RARB: variants seen among roughly 807,000 people sequenced by gnomAD.
The protein encoded by RARB is retinoic acid receptor beta, also known as HBV-activated protein.
RARB carries 17 observed loss-of-function variants against 51.9 expected under a neutral mutation model. The ratio of observed to expected loss-of-function variants is 0.33; its 90% CI spans 0.22 to 0.49. The LOEUF (loss-of-function observed/expected upper bound fraction) is 0.49, where lower values mean the gene tolerates loss of function less well. RARB is among the 20% of genes least tolerant of loss of function. The pLI, the probability that RARB is intolerant of heterozygous loss-of-function variation, is 0.99. For synonymous variants in RARB, 215 were observed against 195.4 expected (o/e 1.10, Z -0.84); for missense variants, 369 against 550.8 (o/e 0.67, Z 3.30).
intron 2 of RARB, among the ~76,000 whole-genome samples, chr3:24,866,387 CTA>C (rs1318647128): frequency 6.6e-6 from 1 of 152,152 alleles, no homozygotes; most frequent in Non-Finnish European, 1.5e-5. Context: ...GCCTCATAAA[CTA>C]TTTAAACTGA....
chr3:24,945,145 T>C (rs149147654), intron 2 of RARB, among the ~76,000 whole-genome samples: 10 of 152,238 alleles, frequency 6.6e-5, no homozygotes, highest in African/African-American at 1.7e-4. Context: ...TATAGTCTTA[T>C]GGGTTTGCTT....
In RARB at chr3:25,329,627, T is replaced by C. The variant is rs545222283; in HGVS notation, c.179-131566T>C. On this transcript the variant is annotated intron_variant, in intron 5 of 11. Transcript: ENST00000383772. ...TACTCCTCCAAAGGAATGCAGCTGC[T>C]CGACAGCAATGGAACAAAGCTGGAT... Among the ~76,000 whole-genome samples, 15 of 152,274 alleles carry C rather than the reference T, an allele frequency of 9.9e-5. No homozygotes were observed. In the South Asian group the frequency reaches 2.9e-3, roughly 29 times the overall value.
At chr3:25,027,420 C>T (rs957302279) in intron 2 of RARB, among the ~76,000 whole-genome samples, 8 of 152,040 alleles carry the variant, frequency 5.3e-5, no homozygotes, top group Admixed American at 1.3e-4. Flanking sequence ...AATACATCTT[C>T]CCCCCCATAT....
At chr3:25,073,621 A>G (rs1295843373) in intron 3 of RARB, among the ~76,000 whole-genome samples, 1 of 152,216 alleles carries the variant, frequency 6.6e-6, no homozygotes, top group African/African-American at 2.4e-5. Flanking sequence ...TTCTGTGGAT[A>G]CTTCATCAAA....
intron 5 of RARB, among the ~76,000 whole-genome samples, chr3:25,185,263 GAGTTCAC>G (rs1486296281): frequency 1.3e-5 from 2 of 152,038 alleles, no homozygotes; most frequent in Admixed American, 6.6e-5. Flanking sequence ...TTATCATGAA[GAGTTCAC>G]ATCCAAGAAA....
chr3:25,259,557 A>G (rs539780086), intron 5 of RARB, among the ~76,000 whole-genome samples: 1 of 152,262 alleles, frequency 6.6e-6, no homozygotes, highest in East Asian at 1.9e-4. Context: ...ACAGCAGAGC[A>G]TTGCAGTTCT....
At chr3:25,538,212 A>G (rs982811564) in intron 3 of RARB, among the ~76,000 whole-genome samples, 7 of 152,216 alleles carry the variant, frequency 4.6e-5, no homozygotes, top group African/African-American at 1.7e-4. Context: ...AGTGTCCAGA[A>G]AGATTGGAAT....
chr3:25,596,686 A>G lies in RARB; in HGVS notation c.*70A>G. 7.5e-7 allele frequency: 1 copy of G among 1,339,842 alleles called. No individual in the cohort carries two copies. Among genetic ancestry groups the G allele is most frequent in the Non-Finnish European group, 1.0e-6 (1 of 976,780 alleles). 83.0% of individuals were successfully genotyped at this position (1,339,842 alleles called of 1,614,324 possible). A position where few individuals can be genotyped will look rare whatever the true frequency, so the allele number is the denominator to read the frequency against. ...CAGGATTTAAAATGCAAGAAAAAAC[A>G]TTTTTACTGCTGCTTAGTTTTTGGA... On this transcript the variant is annotated 3_prime_UTR_variant, in exon 8 of 8. Transcript: ENST00000330688.
intron 5 of RARB, among the ~76,000 whole-genome samples, chr3:25,410,916 G>T (rs544981182): frequency 6.6e-6 from 1 of 152,222 alleles, no homozygotes; most frequent in South Asian, 2.1e-4. Context: ...CTGGGCAAAG[G>T]TCAGCCTGTA....
intron 4 of RARB, among the ~76,000 whole-genome samples, chr3:25,573,799 A>G (rs938734315): frequency 1.3e-5 from 2 of 152,208 alleles, no homozygotes; most frequent in African/African-American, 4.8e-5. Flanking sequence ...GCAGAGAGGA[A>G]TAAGAAAGGC....
chr3:25,438,192 C>CGA (rs770109962), intron 1 of RARB, among the ~76,000 whole-genome samples: 1 of 152,094 alleles, frequency 6.6e-6, no homozygotes, highest in African/African-American at 2.4e-5. Context: ...AGCAGTATTC[C>CGA]GAGAGAGAGT....
intron 5 of RARB, among the ~76,000 whole-genome samples, chr3:25,332,849 T>G (rs1254211350): frequency 1.3e-5 from 2 of 152,092 alleles, no homozygotes; most frequent in African/African-American, 4.8e-5. Flanking sequence ...AAAATCAACG[T>G]GCAAAAATCA....
intron 2 of RARB, among the ~76,000 whole-genome samples, chr3:25,482,446 C>G (rs1245961796): frequency 6.6e-6 from 1 of 150,982 alleles, no homozygotes; most frequent in African/African-American, 2.5e-5. Flanking sequence ...ACCCAGTAGA[C>G]CAGCACTGTT....
intron 3 of RARB, among the ~76,000 whole-genome samples, chr3:25,093,349 CAGTG>C (rs1210208448): frequency 6.6e-6 from 1 of 152,130 alleles, no homozygotes; most frequent in Non-Finnish European, 1.5e-5. Context: ...AAAACTATAA[CAGTG>C]AGAAAATTAT....
chr3:25,252,011 T>C (rs925201971), intron 5 of RARB, among the ~76,000 whole-genome samples: 1 of 152,172 alleles, frequency 6.6e-6, no homozygotes, highest in African/African-American at 2.4e-5. Flanking sequence ...TAAGTCTGAA[T>C]AGGTTTTGAG....
chr3:24,867,606 G>C (rs1178460697), intron 2 of RARB, among the ~76,000 whole-genome samples: 5 of 152,096 alleles, frequency 3.3e-5, no homozygotes, highest in African/African-American at 4.8e-5. Flanking sequence ...GTAGGGGAGG[G>C]AGCCTTTGGT....
chr3:25,427,490 C>G (rs1311878952), upstream of RARB, among the ~76,000 whole-genome samples: 1 of 152,198 alleles, frequency 6.6e-6, no homozygotes, highest in Admixed American at 6.5e-5. Context: ...AACCCATGCT[C>G]TTGACCACTA....
intron 5 of RARB, among the ~76,000 whole-genome samples, chr3:25,276,130 T>A (rs780348623): frequency 6.6e-6 from 1 of 152,230 alleles, no homozygotes; most frequent in Non-Finnish European, 1.5e-5. Flanking sequence ...AGGCAATTCA[T>A]GTAAAAGCCT....
chr3:24,845,959 C>A (rs1026872507), intron 1 of RARB, among the ~76,000 whole-genome samples: 1 of 152,208 alleles, frequency 6.6e-6, no homozygotes, highest in Non-Finnish European at 1.5e-5. Context: ...CAGACTTACA[C>A]AATACCTCTG....
Sources: allele counts gnomAD v4.1 joint callset (sites outside exome capture counted in the v4.1 genomes callset), GRCh38; gene constraint gnomAD v4.1.1; transcripts MANE v1.5; gene names NCBI Gene and HGNC (gene_info 2026-07-23, HGNC 2026-07-21).